The following MED13L variants were observed in gnomAD, a reference collection of about 807,000 sequenced individuals.
MED13L encodes the protein mediator of RNA polymerase II transcription subunit 13-like.
Under a neutral mutation model 220.9 loss-of-function variants are expected in MED13L, and 7 were observed. That is an observed-to-expected ratio of 0.03 (90% confidence interval 0.02 to 0.06). MED13L has a LOEUF of 0.06. Ranked by LOEUF, MED13L falls within the 10% of genes least tolerant of loss-of-function variation. MED13L has a pLI of 1.00. For missense variants in MED13L, 1,965 were observed against 2,760.5 expected (o/e 0.71, Z 6.46); for synonymous variants, 1,011 against 1,015.2 (o/e 1.00, Z 0.08).
intron 2 of MED13L, among the ~76,000 whole-genome samples, chr12:116,218,417 T>A (rs1455628326): frequency 2.5e-4 from 38 of 152,138 alleles, no homozygotes; most frequent in Admixed American, 2.5e-3. Flanking sequence ...CAATTATAAT[T>A]ATGTCAACCA....
chr12:116,221,964 A>G (rs1372647901), intron 2 of MED13L, among the ~76,000 whole-genome samples: 3 of 152,212 alleles, frequency 2.0e-5, no homozygotes, highest in Non-Finnish European at 4.4e-5. Flanking sequence ...ACCACATTTT[A>G]AAACATCCAA....
intron 19 of MED13L, among the ~76,000 whole-genome samples, chr12:115,984,785 T>G (rs1877570885): frequency 6.6e-6 from 1 of 152,122 alleles, no homozygotes. Flanking sequence ...AACATTAAAA[T>G]TTTATGGGCC....
chr12:116,029,260 G>A (rs1254049951), intron 4 of MED13L, among the ~76,000 whole-genome samples: 1 of 150,882 alleles, frequency 6.6e-6, no homozygotes, highest in Non-Finnish European at 1.5e-5. Context: ...AAAAAAAAGG[G>A]GGGGGAGGGA....
At chr12:116,028,137 A>G (rs1175975610) in intron 4 of MED13L, among the ~76,000 whole-genome samples, 2 of 152,226 alleles carry the variant, frequency 1.3e-5, no homozygotes, top group South Asian at 2.1e-4. Context: ...TGGCTCGTAC[A>G]TAAGTGGGAA....
Position 115,991,874 on chromosome 12 carries a change from G to C in MED13L, c.3080C>G (p.Ala1027Gly), listed in dbSNP as rs754281723. The C allele has an allele frequency of 1.9e-5, 31 of 1,605,558 alleles. No individual in the cohort carries two copies. The highest frequency in any genetic ancestry group is 2.5e-6 in the Non-Finnish European group (3 of 1,179,952). The change falls in exon 17 of 31, where the codon GCT becomes GGT. Residue 1027 changes from alanine (A) to glycine (G), a missense_variant. Ala to Gly is a moderately conservative substitution (Grantham distance 60, BLOSUM62 0). Coordinates refer to ENST00000281928, the MANE Select transcript of MED13L (RefSeq NM_015335.5). The surrounding 1 kb of genome is among the most constrained non-coding windows in gnomAD (Gnocchi z 7.7). ...QMNTPVTLNSAAPASNSGAGV... is the reference protein window; with the variant it reads ...QMNTPVTLNSGAPASNSGAGV... ...TGCCCCACTATTGCTGGCTGGGGCAGCGCTGTTCAACGTCACGGGTGTGTT... is the reference window on the plus strand; with the variant it reads ...TGCCCCACTATTGCTGGCTGGGGCACCGCTGTTCAACGTCACGGGTGTGTT...
At chr12:116,035,647 G>A (rs80268550) in intron 4 of MED13L, among the ~76,000 whole-genome samples, 10,167 of 152,012 alleles carry the variant, frequency 0.067, 481 homozygotes, top group African/African-American at 0.12. Flanking sequence ...CTGGAATGCA[G>A]TGGCGCGATC....
At chr12:116,163,727 T>A (rs1879052028) in intron 2 of MED13L, among the ~76,000 whole-genome samples, 1 of 152,200 alleles carries the variant, frequency 6.6e-6, no homozygotes, top group South Asian at 2.1e-4. Context: ...AATAGAGAAG[T>A]ACACATATCA....
At chr12:115,990,071 A>C (rs1004496638) in intron 17 of MED13L, among the ~76,000 whole-genome samples, 1 of 152,190 alleles carries the variant, frequency 6.6e-6, no homozygotes, top group African/African-American at 2.4e-5. Context: ...TAGCCCCTGC[A>C]TGCTTCTAAC....
intron 2 of MED13L, among the ~76,000 whole-genome samples, chr12:116,161,456 C>T (rs1028900216): frequency 5.9e-5 from 9 of 152,176 alleles, no homozygotes; most frequent in South Asian, 2.1e-4. Context: ...CATGACCTCC[C>T]GCAACACTGC....
chr12:116,114,792 T>C (rs567968325), intron 2 of MED13L, among the ~76,000 whole-genome samples: 2 of 152,276 alleles, frequency 1.3e-5, no homozygotes, highest in South Asian at 2.1e-4. Context: ...CAAAAAACTA[T>C]CACATTTCTA....
At chr12:116,234,215 CTATTTATT>C (rs74508824) in intron 2 of MED13L, among the ~76,000 whole-genome samples, 47 of 149,876 alleles carry the variant, frequency 3.1e-4, no homozygotes, top group South Asian at 6.4e-4. Context: ...CAGGATTCTG[CTATTTATT>C]TATTTATTTA....
At chr12:116,036,214 A>T (rs924702031) in intron 4 of MED13L, among the ~76,000 whole-genome samples, 3 of 152,242 alleles carry the variant, frequency 2.0e-5, no homozygotes, top group African/African-American at 7.2e-5. Flanking sequence ...AGAAAGTTTC[A>T]TCATGAGAAG....
chr12:116,015,486 CTT>C (rs1265530818), intron 7 of MED13L, among the ~76,000 whole-genome samples: 1 of 151,998 alleles, frequency 6.6e-6, no homozygotes, highest in Non-Finnish European at 1.5e-5. Context: ...CTGTATGATT[CTT>C]TGTTTTTTCC....
intron 2 of MED13L, among the ~76,000 whole-genome samples, chr12:116,216,151 GA>G (rs1882984418): frequency 6.6e-6 from 1 of 152,028 alleles, no homozygotes; most frequent in African/African-American, 2.4e-5. Context: ...TTCTGCCCCT[GA>G]AACCCACGTC....
intron 1 of MED13L, among the ~76,000 whole-genome samples, chr12:116,275,851 A>T (rs1244931204): frequency 3.9e-5 from 6 of 152,254 alleles, no homozygotes; most frequent in African/African-American, 1.4e-4. Context: ...CTTGAAACGT[A>T]ATTGCCTTAC....
At position 115,964,475 on chromosome 12, in the gene MED13L, T is replaced by C. The variant is rs558180550; in HGVS notation, c.6388-956A>G. On this transcript the variant is annotated intron_variant, in intron 29 of 30. Coordinates refer to ENST00000281928, the MANE Select transcript of MED13L (RefSeq NM_015335.5). ...AGTTCCTCATCAACTTTTCACCTAA[T>C]GGTTTTGGTATTACTTTACATGTAA... Among the ~76,000 whole-genome samples, 19 of 152,274 alleles carry C rather than the reference T, an allele frequency of 1.2e-4. No individual in the cohort carries two copies. The South Asian group carries it at 3.9e-3, about 32-fold the overall frequency.
At chr12:115,962,133 A>G (rs973619517) in intron 30 of MED13L, among the ~76,000 whole-genome samples, 3 of 152,218 alleles carry the variant, frequency 2.0e-5, no homozygotes, top group Non-Finnish European at 4.4e-5. Flanking sequence ...GCTAACAGAA[A>G]AATTTTAATT....
intron 2 of MED13L, among the ~76,000 whole-genome samples, chr12:116,162,396 GTTTTAA>G (rs1283767943): frequency 1.3e-5 from 2 of 152,264 alleles, no homozygotes; most frequent in East Asian, 1.9e-4. Flanking sequence ...AACTAAATGA[GTTTTAA>G]TTTTGTCTTT....
In MED13L at chr12:115,961,237, T is replaced by C; in HGVS notation, c.*29A>G. ...GACTGAGGTTGCAGGGAGAAGGAAC[T>C]GAGCCAGAGAGAACAAGTGCTTTTC... On this transcript the variant is annotated 3_prime_UTR_variant, in exon 31 of 31. Transcript: ENST00000281928. 1 of 1,613,932 alleles carries C rather than the reference T, an allele frequency of 6.2e-7. No individual in the cohort carries two copies. The highest frequency in any genetic ancestry group is 8.5e-7 in the Non-Finnish European group (1 of 1,179,806).
Sources: gnomAD v4.1 joint callset for allele counts (sites outside exome capture counted in the v4.1 genomes callset) on GRCh38, gnomAD v4.1.1 for gene constraint, Gnocchi (gnomAD v3.1) non-coding constraint, MANE v1.5 for transcripts, NCBI Gene and HGNC (gene_info 2026-07-23, HGNC 2026-07-21) for gene names.